The following FAT3 variants were observed in gnomAD, a reference collection of about 807,000 sequenced individuals.
FAT3 encodes the protein protocadherin Fat 3.
FAT3 carries 95 observed loss-of-function variants against 310.2 expected under a neutral mutation model. That is an observed-to-expected ratio of 0.31 (90% CI 0.26 to 0.36). The LOEUF (loss-of-function observed/expected upper bound fraction) is 0.36. Among genes scored for constraint, FAT3 ranks in the 10% least tolerant of loss-of-function variants. The probability of loss-of-function intolerance (pLI) is 1.00; values close to 1 mark genes in which losing one functional copy is unlikely to be tolerated. For missense variants in FAT3, 5,408 were observed against 5,715.6 expected, an observed-to-expected ratio of 0.95 and a Z score of 1.74; for synonymous variants, 2,314 against 2,192.9, an observed-to-expected ratio of 1.06 and a Z score of -1.54.
Position 92,478,948 on chromosome 11 carries a change from C to CTTTTCTTTTCTTTTCT in FAT3, c.3293-45683_3293-45682insTCTTTTCTTTTCTTTT, listed in dbSNP as rs1555058203. On this transcript the variant is annotated intron_variant, in intron 2 of 27. Transcript: ENST00000525166. ...TTTCTTTCCTTCTCTTTCTTTCTTT[C>CTTTTCTTTTCTTTTCT]TTTCTTTTCTTTTCTTTTCTTTTCT... Among the ~76,000 whole-genome samples, 707 of 114,508 alleles carry CTTTTCTTTTCTTTTCT rather than the reference C, an allele frequency of 6.2e-3. 20 individuals carry two copies. Among genetic ancestry groups the CTTTTCTTTTCTTTTCT allele is most frequent in the African/African-American group, 0.021 (571 of 27,166 alleles). The allele number at this position is 114,508 out of a possible 152,430, so 75.1% of individuals were successfully genotyped here.
intron 1 of FAT3, among the ~76,000 whole-genome samples, chr11:92,255,416 T>G (rs982972512): frequency 2.6e-5 from 4 of 151,742 alleles, no homozygotes; most frequent in Non-Finnish European, 4.4e-5. Flanking sequence ...GTCTACCTCA[T>G]TGGATACTCA....
rs769861068 is a variant in FAT3 at position 92,687,655 on chromosome 11, T to A, written c.3608-9729T>A. Among the ~76,000 whole-genome samples, 4 of 152,314 alleles carry A rather than the reference T, an allele frequency of 2.6e-5. No individual in the cohort carries two copies. In the South Asian group the frequency reaches 8.3e-4, roughly 32 times the overall value. On this transcript the variant is annotated intron_variant, in intron 3 of 27. Transcript: ENST00000525166. ...AAATATAGAGACTTATTGTTGTATC[T>A]TTTTATCTTTTGCCTTGTGTCCAAA...
At position 92,893,472 on chromosome 11, in the gene FAT3, G is replaced by A. The variant is rs1949960065; in HGVS notation, c.*2359G>A. 6.6e-6 allele frequency: 1 copy of A among 152,156 alleles called. No homozygotes were observed. The highest frequency in any genetic ancestry group is 2.4e-5 in the African/African-American group (1 of 41,440). 9.4% of individuals were successfully genotyped at this position (152,156 alleles called of 1,614,324 possible). A position where few individuals can be genotyped will look rare whatever the true frequency, so the allele number is the denominator to read the frequency against. The stretch of plus-strand genomic sequence containing the variant: ...AAAACCATCAAAGTAAAACCAACAT[G>A]TCATTTCCTGCCCCCAGGAAATATT... On this transcript the variant is annotated 3_prime_UTR_variant, in exon 28 of 28. Coordinates refer to ENST00000525166, the MANE Select transcript of FAT3 (RefSeq NM_001367949.2).
chr11:92,858,481 C>T (rs1949039546), intron 20 of FAT3, among the ~76,000 whole-genome samples: 1 of 152,062 alleles, frequency 6.6e-6, no homozygotes, highest in Non-Finnish European at 1.5e-5. Flanking sequence ...CATATTCCAC[C>T]TTTCCCCCCA....
intron 2 of FAT3, among the ~76,000 whole-genome samples, chr11:92,402,810 T>A (rs1591235151): frequency 2.1e-5 from 3 of 139,538 alleles, no homozygotes; most frequent in Admixed American, 7.3e-5. Context: ...TCCAAGAAGC[T>A]CAGGGAACAC....
At chr11:92,643,997 G>T (rs579428) in intron 3 of FAT3, among the ~76,000 whole-genome samples, 73,873 of 152,166 alleles carry the variant, frequency 0.49, 18,163 homozygotes, top group African/African-American at 0.5. Flanking sequence ...CATTGCAAAG[G>T]TTACTGTCAT....
chr11:92,307,997 T>C (rs1186345604), intron 1 of FAT3, among the ~76,000 whole-genome samples: 1 of 152,134 alleles, frequency 6.6e-6, no homozygotes, highest in Admixed American at 6.6e-5. Flanking sequence ...TTTAACCAGA[T>C]GTAAACCTAG....
At chr11:92,330,995 TGTGTGTGTGAGAGA>T (rs1170457013) in intron 1 of FAT3, among the ~76,000 whole-genome samples, 1,316 of 122,752 alleles carry the variant, frequency 0.011, 25 homozygotes, top group African/African-American at 0.061. Context: ...TGTGTGTGTG[TGTGTGTGTGAGAGA>T]GAGAGAGAGA....
intron 4 of FAT3, among the ~76,000 whole-genome samples, chr11:92,718,714 C>T (rs1436152026): frequency 1.3e-5 from 2 of 152,134 alleles, no homozygotes; most frequent in African/African-American, 4.8e-5. Context: ...AAATCTCTGG[C>T]TTCTAGATTA....
intron 2 of FAT3, among the ~76,000 whole-genome samples, chr11:92,510,700 G>A (rs189099253): frequency 4.6e-5 from 7 of 152,334 alleles, no homozygotes; most frequent in African/African-American, 1.7e-4. Flanking sequence ...AACAGACAAG[G>A]AGAGCTGTCC....
chr11:92,565,696 A>G (rs970674763), intron 3 of FAT3, among the ~76,000 whole-genome samples: 1 of 150,634 alleles, frequency 6.6e-6, no homozygotes, highest in Non-Finnish European at 1.5e-5. Context: ...ACCATGATCA[A>G]GTGGGCTTCA....
At chr11:92,275,036 G>C (rs1222319232) in intron 1 of FAT3, among the ~76,000 whole-genome samples, 1 of 152,086 alleles carries the variant, frequency 6.6e-6, no homozygotes, top group Non-Finnish European at 1.5e-5. Flanking sequence ...CAGGTATTTA[G>C]CGCAACATGC....
intron 2 of FAT3, among the ~76,000 whole-genome samples, chr11:92,372,444 A>G (rs1264450457): frequency 2.0e-5 from 3 of 152,046 alleles, no homozygotes; most frequent in Admixed American, 1.3e-4. Flanking sequence ...AATCAAAAAT[A>G]GAAAATTAAA....
At chr11:92,469,700 A>G (rs1263953883) in intron 2 of FAT3, among the ~76,000 whole-genome samples, 1 of 148,958 alleles carries the variant, frequency 6.7e-6, no homozygotes, top group African/African-American at 2.5e-5. Context: ...TATTTTTAGT[A>G]GAGATGGGGT....
At chr11:92,777,240 A>C (rs1946621530) in intron 7 of FAT3, among the ~76,000 whole-genome samples, 1 of 152,208 alleles carries the variant, frequency 6.6e-6, no homozygotes, top group Non-Finnish European at 1.5e-5. Context: ...ATGATATGAC[A>C]TGGGGTTCAA....
intron 6 of FAT3, among the ~76,000 whole-genome samples, chr11:92,767,626 G>A (rs992752111): frequency 2.0e-5 from 3 of 152,084 alleles, no homozygotes; most frequent in South Asian, 2.1e-4. Flanking sequence ...ATTCCTGCAT[G>A]TGTGTGTGTG....
chr11:92,675,690 C>A (rs938470713), intron 3 of FAT3, among the ~76,000 whole-genome samples: 1 of 152,170 alleles, frequency 6.6e-6, no homozygotes, highest in Non-Finnish European at 1.5e-5. Flanking sequence ...GTTCCCATCA[C>A]CCTCCATTTG....
chr11:92,681,550 T>C lies in FAT3; in HGVS notation c.3608-15834T>C, dbSNP rs568705776. Among the ~76,000 whole-genome samples the C allele has an allele frequency of 3.3e-5, 5 of 152,326 alleles. 1 individual carries two copies. The highest frequency in any genetic ancestry group is 3.3e-4 in the Admixed American group (5 of 15,298). On this transcript the variant is annotated intron_variant, in intron 3 of 27. Transcript: ENST00000525166. ...TTTGGTGAATTTAGTAGAATGTATT[T>C]GAGGTGTAAAGACTTTGCTTTCAGA...
chr11:92,747,115 C>T (rs1945693703), intron 4 of FAT3, among the ~76,000 whole-genome samples: 1 of 152,192 alleles, frequency 6.6e-6, no homozygotes, highest in African/African-American at 2.4e-5. Flanking sequence ...GGCTCCAACC[C>T]CACATTTTCC....
Sources: gnomAD v4.1 joint callset for allele counts (sites outside exome capture counted in the v4.1 genomes callset) on GRCh38, gnomAD v4.1.1 for gene constraint, MANE v1.5 for transcripts, NCBI Gene and HGNC (gene_info 2026-07-23, HGNC 2026-07-21) for gene names.